PSD3: variants seen among roughly 807,000 people sequenced by gnomAD.
PSD3 encodes the protein PH and SEC7 domain-containing protein 3.
In PSD3, 49 loss-of-function variants were observed where a neutral mutation model predicts 105.5. That is an observed-to-expected ratio of 0.46 (90% CI 0.37 to 0.59). PSD3 has a LOEUF of 0.59. PSD3 is among the 20% of genes least tolerant of loss of function. PSD3 has a pLI of 0.00. For missense variants in PSD3, 1,561 were observed against 1,263.8 expected (o/e 1.24, Z -3.57); for synonymous variants, 557 against 457.8 (o/e 1.22, Z -2.77).
intron 14 of PSD3, among the ~76,000 whole-genome samples, chr8:18,567,831 C>A (rs1199047127): frequency 6.6e-6 from 1 of 152,296 alleles, no homozygotes; most frequent in South Asian, 2.1e-4. Context: ...AGTTTGGATG[C>A]TTGTCCCCTC....
intron 2 of PSD3, among the ~76,000 whole-genome samples, chr8:18,906,851 C>T (rs1819883115): frequency 6.6e-6 from 1 of 152,110 alleles, no homozygotes; most frequent in African/African-American, 2.4e-5. Context: ...CGTAAGATTA[C>T]AATGGAGGCA....
chr8:18,579,456 G>C (rs1331759653), intron 12 of PSD3, among the ~76,000 whole-genome samples: 1 of 152,100 alleles, frequency 6.6e-6, no homozygotes, highest in Non-Finnish European at 1.5e-5. Flanking sequence ...GGGTGAAAAT[G>C]ATGACTAAAA....
chr8:18,600,590 A>G (rs568265715), intron 11 of PSD3, among the ~76,000 whole-genome samples, 156 bp from the exon 12 acceptor site: 1 of 152,202 alleles, frequency 6.6e-6, no homozygotes, highest in East Asian at 1.9e-4. Flanking sequence ...ATGGTGTACC[A>G]GGCGGCATTC....
At chr8:18,891,749 A>C (rs148021427) in intron 2 of PSD3, among the ~76,000 whole-genome samples, 2 of 152,172 alleles carry the variant, frequency 1.3e-5, no homozygotes, top group African/African-American at 4.8e-5. Flanking sequence ...TTTCAAGCTC[A>C]TATGTTTTCT....
rs1289579793 is a variant in PSD3, at chr8:18,891,998, AAG to A, written c.131-19267_131-19266del. ...CCCAACACACAGTTAAAAGAATAAG[AAG>A]CAACCCTCAGACCAAAGTTTACAAA... On this transcript the variant is annotated intron_variant, in intron 2 of 15. Coordinates refer to ENST00000327040, the MANE Select transcript of PSD3 (RefSeq NM_015310.4). Among the ~76,000 whole-genome samples, 4 of 152,308 alleles carry A rather than the reference AAG, an allele frequency of 2.6e-5. No homozygotes were observed. The East Asian group carries it at 7.7e-4, about 29-fold the overall frequency.
Position 18,673,920 on chromosome 8 carries a change from T to C in PSD3, c.2173-18235A>G, listed in dbSNP as rs116917284. Among the ~76,000 whole-genome samples, 940 of 152,112 alleles carry C rather than the reference T, an allele frequency of 6.2e-3. 18 individuals carry two copies. The highest frequency in any genetic ancestry group is 0.038 in the East Asian group (198 of 5,146). ...GATTTGGGAGGCCAAGGCAGGAGGATTGCTTGAGCCCAGCAGTTAAAGACC... is the reference window on the plus strand; with the variant it reads ...GATTTGGGAGGCCAAGGCAGGAGGACTGCTTGAGCCCAGCAGTTAAAGACC... On this transcript the variant is annotated intron_variant, in intron 9 of 15. Transcript: ENST00000327040.
At chr8:18,918,173 A>G (rs1820746802) in intron 2 of PSD3, among the ~76,000 whole-genome samples, 1 of 152,210 alleles carries the variant, frequency 6.6e-6, no homozygotes, top group African/African-American at 2.4e-5. Flanking sequence ...GAAGTCTTCT[A>G]GTTCATTGCT....
chr8:18,611,259 A>T (rs1805242005), intron 11 of PSD3, among the ~76,000 whole-genome samples: 1 of 152,068 alleles, frequency 6.6e-6, no homozygotes, highest in African/African-American at 2.4e-5. Flanking sequence ...TGGAAAAAAA[A>T]AAAAAAAAAG....
chr8:18,739,247 A>T (rs1195060472), intron 9 of PSD3, among the ~76,000 whole-genome samples: 2 of 152,212 alleles, frequency 1.3e-5, no homozygotes, highest in African/African-American at 4.8e-5. Flanking sequence ...TCCCCCACAA[A>T]AATATAGAAC....
chr8:18,756,412 CA>C (rs1806047436), intron 9 of PSD3, among the ~76,000 whole-genome samples: 2 of 152,130 alleles, frequency 1.3e-5, no homozygotes, highest in Non-Finnish European at 2.9e-5. Flanking sequence ...GCTGCAATGA[CA>C]AAAGCAATTT....
At chr8:18,795,006 C>T (rs2129446685) in intron 8 of PSD3, among the ~76,000 whole-genome samples, 1 of 152,214 alleles carries the variant, frequency 6.6e-6, no homozygotes, top group African/African-American at 2.4e-5. Context: ...AGATTCTAGG[C>T]TCCTAGAAAG....
chr8:19,026,526 A>G (rs1294877025), intron 1 of PSD3, among the ~76,000 whole-genome samples: 1 of 152,024 alleles, frequency 6.6e-6, no homozygotes, highest in Non-Finnish European at 1.5e-5. Context: ...TTTAGTTTCC[A>G]GCACTGGGTA....
chr8:18,778,415 G>T (rs930824568), intron 8 of PSD3, among the ~76,000 whole-genome samples: 10 of 152,062 alleles, frequency 6.6e-5, no homozygotes, highest in Non-Finnish European at 1.3e-4. Context: ...CTGAAGAAAG[G>T]ACAATTTGAA....
At chr8:18,819,620 T>C (rs2638634) in intron 4 of PSD3, among the ~76,000 whole-genome samples, 133,611 of 142,594 alleles carry the variant, frequency 0.94, 62,843 homozygotes, top group Non-Finnish European at 0.98. Context: ...ACTCTGTCGC[T>C]CAGGCTGGAG....
chr8:18,973,136 T>C (rs756526581), intron 1 of PSD3, among the ~76,000 whole-genome samples: 2 of 152,170 alleles, frequency 1.3e-5, no homozygotes, highest in Non-Finnish European at 2.9e-5. Flanking sequence ...GCTTGGACCA[T>C]CTGGGGGTTC....
At chr8:18,743,958 CT>C (rs1343510581) in intron 9 of PSD3, among the ~76,000 whole-genome samples, 3,603 of 63,456 alleles carry the variant, frequency 0.057, 177 homozygotes, top group African/African-American at 0.17. Context: ...AACTCTGTCT[CT>C]CACCACCACC....
intron 9 of PSD3, among the ~76,000 whole-genome samples, chr8:18,688,127 G>A (rs1262970260): frequency 6.6e-6 from 1 of 152,014 alleles, no homozygotes; most frequent in Non-Finnish European, 1.5e-5. Context: ...CGCTCAGGCT[G>A]GAGTGCAGTG....
chr8:18,566,393 G>C (rs911922216), intron 14 of PSD3, among the ~76,000 whole-genome samples: 22 of 151,944 alleles, frequency 1.4e-4, no homozygotes, highest in African/African-American at 5.3e-4. Context: ...GGGTATGGTG[G>C]CGGGCGCCTG....
At chr8:19,062,576 A>C (rs563152536) in intron 1 of PSD3, among the ~76,000 whole-genome samples, 3 of 152,352 alleles carry the variant, frequency 2.0e-5, no homozygotes, top group African/African-American at 7.2e-5. Flanking sequence ...TTCTACTTAA[A>C]TCATTTAAAA....
Sources: gnomAD v4.1 joint callset for allele counts (sites outside exome capture counted in the v4.1 genomes callset) on GRCh38, gnomAD v4.1.1 for gene constraint, MANE v1.5 for transcripts, NCBI Gene and HGNC (gene_info 2026-07-23, HGNC 2026-07-21) for gene names.